The following TMEM30A variants were observed in gnomAD, a reference collection of about 807,000 sequenced individuals.
TMEM30A encodes the protein cell cycle control protein 50A.
A neutral mutation model predicts 38.2 loss-of-function variants in TMEM30A; 24 were observed. The ratio of observed to expected loss-of-function variants is 0.63; its 90% CI spans 0.46 to 0.88. The LOEUF (loss-of-function observed/expected upper bound fraction) is 0.88. TMEM30A is among the 40% of genes least tolerant of loss of function. TMEM30A has a pLI of 0.00. For missense variants in TMEM30A, 370 were observed against 458.6 expected, an observed-to-expected ratio of 0.81 and a Z score of 1.77; for synonymous variants, 145 against 161.6, an observed-to-expected ratio of 0.90 and a Z score of 0.78.
intron 1 of TMEM30A, among the ~76,000 whole-genome samples, chr6:75,268,353 G>A (rs1246179687): frequency 6.6e-6 from 1 of 152,200 alleles, no homozygotes; most frequent in Non-Finnish European, 1.5e-5. Context: ...ATAGCAGCTA[G>A]TCACCAGAAA....
chr6:75,270,429 G>T (rs926532745), intron 1 of TMEM30A, among the ~76,000 whole-genome samples: 4 of 152,172 alleles, frequency 2.6e-5, no homozygotes, highest in Non-Finnish European at 4.4e-5. Context: ...GCCTTTGGGA[G>T]GTAATCAGAT....
In TMEM30A at chr6:75,284,711, ACCG is replaced by A; in HGVS notation, c.-76_-74del. 1 of 1,514,740 alleles carries A rather than the reference ACCG, an allele frequency of 6.6e-7. No individual in the cohort carries two copies. The highest frequency in any genetic ancestry group is 1.1e-5 in the South Asian group (1 of 89,332). The allele number at this position is 1,514,740 out of a possible 1,614,324, so 93.8% of individuals were successfully genotyped here. On this transcript the variant is annotated 5_prime_UTR_variant, in exon 1 of 7. Coordinates refer to ENST00000230461, the MANE Select transcript of TMEM30A (RefSeq NM_018247.4). ...GGCCCGCCGGCTGACCCTGACAGGA[ACCG>A]CTCGAGCGCCGCTGCCGCCGCCGCC...
At chr6:75,270,779 G>C (rs1772153023) in intron 1 of TMEM30A, among the ~76,000 whole-genome samples, 1 of 152,174 alleles carries the variant, frequency 6.6e-6, no homozygotes, top group South Asian at 2.1e-4. Flanking sequence ...ACTTGGTTTT[G>C]TCAAATTCCA....
At chr6:75,275,403 A>G (rs1365233189) in intron 1 of TMEM30A, among the ~76,000 whole-genome samples, 1 of 152,104 alleles carries the variant, frequency 6.6e-6, no homozygotes, top group Non-Finnish European at 1.5e-5. Context: ...ATTATTCCCA[A>G]CTTGGATGTC....
chr6:75,282,086 T>A (rs1772367896), intron 1 of TMEM30A, among the ~76,000 whole-genome samples: 1 of 152,206 alleles, frequency 6.6e-6, no homozygotes, highest in Admixed American at 6.5e-5. Context: ...TTTTTTAAAA[T>A]CACATTTGAA....
rs1242267089 is a variant in TMEM30A, at chr6:75,284,647, G to A, written c.-9C>T. On this transcript the variant is annotated 5_prime_UTR_variant, in exon 1 of 7. Coordinates refer to ENST00000230461, the MANE Select transcript of TMEM30A (RefSeq NM_018247.4). ...TTATAGTTCATCGCCATCGATCCCT[G>A]GGGCGCCGCTCCGCGATTTGCAGGT... The A allele has an allele frequency of 6.2e-7, 1 of 1,611,694 alleles. No homozygotes were observed. The highest frequency in any genetic ancestry group is 8.5e-7 in the Non-Finnish European group (1 of 1,179,836).
Position 75,284,625 on chromosome 6 carries a change from T to C in TMEM30A, c.14A>G (p.Tyr5Cys), listed in dbSNP as rs1002060565. The change falls in exon 1 of 7, where the codon TAT becomes TGT. Residue 5 changes from tyrosine (Y) to cysteine (C), a missense_variant. Physicochemically the swap from Tyr to Cys is radical, Grantham distance 194. Coordinates refer to ENST00000230461, the MANE Select transcript of TMEM30A (RefSeq NM_018247.4). MAMN[Y>C]NAKDEVDGGP... is the part of the protein sequence containing the mutation. ...ACCGTCCACTTCATCCTTCGCGTTA[T>C]AGTTCATCGCCATCGATCCCTGGGG... is the stretch of plus-strand genomic sequence containing the variant. 3.1e-6 allele frequency: 5 copies of C among 1,613,466 alleles called. No homozygotes were observed. Among genetic ancestry groups the C allele is most frequent in the Middle Eastern group, 1.6e-4 (1 of 6,062 alleles).
chr6:75,256,890 A>T (rs1771876605), intron 6 of TMEM30A: 1 of 394,286 alleles, frequency 2.5e-6, no homozygotes, highest in Admixed American at 3.0e-5. Flanking sequence ...GATTTAGGAA[A>T]CAGGGCACCA....
At chr6:75,283,875 T>G (rs768004856) in intron 1 of TMEM30A, among the ~76,000 whole-genome samples, 2 of 152,224 alleles carry the variant, frequency 1.3e-5, no homozygotes, top group Non-Finnish European at 2.9e-5. Flanking sequence ...CGACAGCTTC[T>G]TTACATTAGA....
chr6:75,255,167 C>T lies in TMEM30A; in HGVS notation c.*935G>A, dbSNP rs1264507791. On this transcript the variant is annotated 3_prime_UTR_variant, in exon 7 of 7. Coordinates refer to ENST00000230461, the MANE Select transcript of TMEM30A (RefSeq NM_018247.4). ...ATTAGTACTTAAGTCAAAACACTTA[C>T]CTGCAGAATAAAAACAGCCTGAGTA... 1.3e-5 allele frequency: 2 copies of T among 152,486 alleles called. No homozygotes were observed. The highest frequency in any genetic ancestry group is 4.8e-5 in the African/African-American group (2 of 41,422). The allele number at this position is 152,486 out of a possible 1,614,324, so 9.4% of individuals were successfully genotyped here. A position where few individuals can be genotyped will look rare whatever the true frequency, so the allele number is the denominator to read the frequency against.
chr6:75,259,564 A>G, intron 4 of TMEM30A, 74 bp from the exon 5 acceptor site: 1 of 1,319,218 alleles, frequency 7.6e-7, no homozygotes, highest in Non-Finnish European at 1.0e-6. Context: ...TCTATGAGAA[A>G]TAAGGACCTG....
At chr6:75,256,745 GA>G in intron 6 of TMEM30A, 1 of 485,088 alleles carries the variant, frequency 2.1e-6, no homozygotes, top group Non-Finnish European at 4.1e-6. Context: ...ATGAGACTAT[GA>G]AAAGGCTCTG....
At chr6:75,279,825 C>T (rs535236445) in intron 1 of TMEM30A, among the ~76,000 whole-genome samples, 22 of 152,100 alleles carry the variant, frequency 1.4e-4, no homozygotes, top group Non-Finnish European at 2.4e-4. Context: ...TATAGGAAAA[C>T]GACTGGAAAA....
intron 3 of TMEM30A, among the ~76,000 whole-genome samples, chr6:75,264,597 C>A (rs938030016): frequency 6.6e-6 from 1 of 151,806 alleles, no homozygotes; most frequent in Non-Finnish European, 1.5e-5. Context: ...GGTCGCGCCA[C>A]TGCACTCCAG....
intron 1 of TMEM30A, among the ~76,000 whole-genome samples, chr6:75,283,670 A>G (rs1772399675): frequency 1.3e-5 from 2 of 152,012 alleles, no homozygotes; most frequent in African/African-American, 4.8e-5. Context: ...AAAAAACAAA[A>G]CAAAACAAGA....
intron 1 of TMEM30A, among the ~76,000 whole-genome samples, chr6:75,278,576 A>G (rs888440063): frequency 6.6e-6 from 1 of 152,184 alleles, no homozygotes; most frequent in Non-Finnish European, 1.5e-5. Context: ...GTTCCTAAGA[A>G]TGGCTGGGCA....
At position 75,259,430 on chromosome 6, in the gene TMEM30A, T is replaced by C. The variant is rs1285762104; in HGVS notation, c.602A>G (p.Lys201Arg). 8 of 1,613,234 alleles carry C rather than the reference T, an allele frequency of 5.0e-6. No individual in the cohort carries two copies. The South Asian group carries it at 6.6e-5, about 13-fold the overall frequency. ...DSYPIPIALK[K>R]KGIAWWTDKN... The stretch of plus-strand genomic sequence containing the variant: ...ATCTGTCCACCAAGCAATACCTTTC[T>C]TTTTCAAAGCGATAGGTATAGGATA... The change falls in exon 5 of 7, where the codon AAG becomes AGG. Residue 201 changes from lysine (K) to arginine (R), a missense_variant. Physicochemically the swap from Lys to Arg is conservative, Grantham distance 26. Coordinates refer to ENST00000230461, the MANE Select transcript of TMEM30A (RefSeq NM_018247.4).
At chr6:75,284,318 T>G in intron 1 of TMEM30A, 84 bp downstream of exon 1, 1 of 1,351,130 alleles carries the variant, frequency 7.4e-7, no homozygotes, top group Admixed American at 1.7e-5. Context: ...AACTGGATTC[T>G]GGGCGCTGGG....
rs551960414 is a variant in TMEM30A at position 75,265,102 on chromosome 6, GA to G, written c.453+128del. On this transcript the variant is annotated intron_variant, in intron 3 of 6. Coordinates refer to ENST00000230461, the MANE Select transcript of TMEM30A (RefSeq NM_018247.4). ...ACAAAGTGAGACTCCATCTCGGGGG[GA>G]AAAAAATCCTCACTATACAAACTAT... 1,313 of 564,580 alleles carry G rather than the reference GA, an allele frequency of 2.3e-3. 16 individuals carry two copies. The highest frequency in any genetic ancestry group is 0.023 in the African/African-American group (1,136 of 50,314). 35.0% of individuals were successfully genotyped at this position (564,580 alleles called of 1,614,324 possible).
Sources: allele counts gnomAD v4.1 joint callset (sites outside exome capture counted in the v4.1 genomes callset), GRCh38; gene constraint gnomAD v4.1.1; transcripts MANE v1.5; gene names NCBI Gene and HGNC (gene_info 2026-07-23, HGNC 2026-07-21).